Variants in KAT8 observed in about 807,000 individuals in gnomAD.
The protein encoded by KAT8 is histone acetyltransferase KAT8.
Under a neutral mutation model 62.9 loss-of-function variants are expected in KAT8, and 40 were observed. The observed-to-expected ratio is 0.64, with a 90% CI of 0.49 to 0.83. The LOEUF (loss-of-function observed/expected upper bound fraction) is 0.83, where lower values mean the gene tolerates loss of function less well. Among genes scored for constraint, KAT8 ranks in the 40% least tolerant of loss-of-function variants. The pLI, the probability that KAT8 is intolerant of heterozygous loss-of-function variation, is 0.00. For synonymous variants in KAT8, 278 were observed against 254.5 expected, an observed-to-expected ratio of 1.09 and a Z score of -0.88; for missense variants, 387 against 614.8, an observed-to-expected ratio of 0.63 and a Z score of 3.92.
Position 31,117,731 on chromosome 16 carries a change from T to C in KAT8, c.50T>C (p.Val17Ala), listed in dbSNP as rs777573795. The C allele has an allele frequency of 7.3e-7, 1 of 1,361,736 alleles. No homozygotes were observed. Among genetic ancestry groups the C allele is most frequent in the East Asian group, 3.1e-5 (1 of 32,366 alleles). 84.4% of individuals were successfully genotyped at this position (1,361,736 alleles called of 1,614,324 possible). Residue 17 changes from valine (V) to alanine (A), a missense_variant, in exon 1 of 11, where the codon GTC becomes GCC. This residue lies in a region of KAT8 where 92 missense variants were observed against 78.8 expected (regional missense o/e 1.17). Coordinates refer to ENST00000219797, the MANE Select transcript of KAT8 (RefSeq NM_032188.3). ...AAAVAAGTSGVAGEGEPGPGE... is the reference protein window; with the variant it reads ...AAAVAAGTSGAAGEGEPGPGE... ...GCGGTTGCGGCGGGGACTTCAGGGG[T>C]CGCGGGGGAGGGCGAGCCCGGGCCC...
chr16:31,127,156 G>A (rs781192058), intron 4 of KAT8, 33 bp from the exon 5 acceptor site: 112 of 1,609,426 alleles, frequency 7.0e-5, no homozygotes, highest in African/African-American at 2.1e-4. Flanking sequence ...CTGCTGAGCC[G>A]TGCACTGTGC....
chr16:31,121,610 G>T (rs568717617), intron 3 of KAT8, among the ~76,000 whole-genome samples: 1 of 152,102 alleles, frequency 6.6e-6, no homozygotes, highest in East Asian at 1.9e-4. Context: ...GGGAGTCTTG[G>T]TGTGTTGCTC....
At chr16:31,125,620 A>AAG in intron 3 of KAT8, 1 of 152,790 alleles carries the variant, frequency 6.5e-6, no homozygotes, top group African/African-American at 2.4e-5. Flanking sequence ...AAAAAAAAAA[A>AAG]AAAAAGAAAT....
At chr16:31,118,777 G>T (rs543730575) in intron 1 of KAT8, 2 of 152,128 alleles carry the variant, frequency 1.3e-5, no homozygotes, top group East Asian at 3.9e-4. Context: ...CGTAGTGGTT[G>T]CCTTACTCAT....
Position 31,128,076 on chromosome 16 carries a change from C to A in KAT8, c.708C>A (p.Pro236=). 2 of 1,613,942 alleles carry A rather than the reference C, an allele frequency of 1.2e-6. No individual in the cohort carries two copies. Among genetic ancestry groups the A allele is most frequent in the Non-Finnish European group, 1.7e-6 (2 of 1,179,944 alleles). Residue 236 remains proline (P), a synonymous_variant, in exon 6 of 11, where the codon CCC becomes CCA. Coordinates refer to ENST00000219797, the MANE Select transcript of KAT8 (RefSeq NM_032188.3). ...GTCAGTGCCAGTGGCGGCAGCCCCC[C>A]GGGAAAGAGATCTACCGCAAGAGCA... ...HLGQCQWRQP[P]GKEIYRKSNI...
In KAT8 at chr16:31,130,874, C is replaced by T; in HGVS notation, c.1286C>T (p.Ala429Val). ...PKLVEEHLKS[A>V]QYKKPPITVD... is the part of the protein sequence containing the mutation. Reference sequence around the variant, plus strand: ...CTGGTGGAGGAGCACCTCAAAAGTGCCCAGTATAAGAAACCACCCATCACA... The same window carrying T: ...CTGGTGGAGGAGCACCTCAAAAGTGTCCAGTATAAGAAACCACCCATCACA... Residue 429 changes from alanine (A) to valine (V), a missense_variant, in exon 10 of 11, where the codon GCC becomes GTC. Coordinates refer to ENST00000219797, the MANE Select transcript of KAT8 (RefSeq NM_032188.3). 6.2e-7 allele frequency: 1 copy of T among 1,612,832 alleles called. No homozygotes were observed.
intron 10 of KAT8, 93 bp from the exon 11 acceptor site, chr16:31,131,102 G>T (rs1253027956): frequency 6.4e-7 from 1 of 1,564,252 alleles, no homozygotes; most frequent in Non-Finnish European, 8.7e-7. Flanking sequence ...TCACCTGGAG[G>T]AGGTGAAACT....
At chr16:31,118,172 C>T (rs1555503302) in intron 1 of KAT8, 2 of 358,660 alleles carry the variant, frequency 5.6e-6, no homozygotes, top group Non-Finnish European at 5.0e-6. Flanking sequence ...CAGTCTTAGG[C>T]TTCATTCCTT....
chr16:31,124,577 C>A (rs927012433), intron 3 of KAT8, among the ~76,000 whole-genome samples: 46 of 151,836 alleles, frequency 3.0e-4, no homozygotes, highest in African/African-American at 1.1e-3. Context: ...ACTAAAGATA[C>A]AAAAAATTAG....
At chr16:31,120,705 C>A (rs749200848) in intron 3 of KAT8, 191 bp downstream of exon 3, 4 of 557,566 alleles carry the variant, frequency 7.2e-6, no homozygotes, top group Non-Finnish European at 1.2e-5. Flanking sequence ...GTAAGGGCTT[C>A]GCTGCAGTCT....
intron 9 of KAT8, 33 bp downstream of exon 9, chr16:31,130,639 C>T: frequency 6.2e-7 from 1 of 1,612,410 alleles, no homozygotes; most frequent in Non-Finnish European, 8.5e-7. Context: ...GGGGGCAGGA[C>T]TTGCCCTGAG....
chr16:31,118,213 C>A (rs1391197063), intron 1 of KAT8: 1 of 276,448 alleles, frequency 3.6e-6, no homozygotes, highest in Non-Finnish European at 6.8e-6. Context: ...CTCACCCTCT[C>A]TTGTCTCTGC....
Position 31,130,084 on chromosome 16 carries a change from T to A in KAT8, c.839T>A (p.Val280Glu). ...GACCATAAGACACTGTACTTTGACGTGGAGCCGTTCGTCTTTTACATCCTG... is the reference window on the plus strand; with the variant it reads ...GACCATAAGACACTGTACTTTGACGAGGAGCCGTTCGTCTTTTACATCCTG... Reference protein sequence around the residue: ...FLDHKTLYFDVEPFVFYILTE... With the variant: ...FLDHKTLYFDEEPFVFYILTE... The change falls in exon 7 of 11, where the codon GTG becomes GAG. Residue 280 changes from valine to glutamate, a missense_variant. By Grantham distance (121) the Val-to-Glu change is moderately radical. Transcript: ENST00000219797. The A allele has an allele frequency of 6.2e-7, 1 of 1,609,544 alleles. No individual in the cohort carries two copies. Among genetic ancestry groups the A allele is most frequent in the South Asian group, 1.1e-5 (1 of 90,978 alleles).
intron 3 of KAT8, chr16:31,125,624 AAG>A (rs1473381929): frequency 2.0e-5 from 3 of 152,638 alleles, no homozygotes; most frequent in Admixed American, 6.6e-5. Flanking sequence ...AAAAAAAAAA[AAG>A]AAATAACACT....
At chr16:31,119,634 G>GT (rs1170222907) in intron 1 of KAT8, among the ~76,000 whole-genome samples, 2 of 151,934 alleles carry the variant, frequency 1.3e-5, no homozygotes, top group East Asian at 1.9e-4. Flanking sequence ...GTTTTGTTCT[G>GT]TTTTTTGGGG....
intron 3 of KAT8, among the ~76,000 whole-genome samples, chr16:31,121,416 C>T (rs780122804): frequency 6.6e-6 from 1 of 151,510 alleles, no homozygotes; most frequent in African/African-American, 2.4e-5. Flanking sequence ...CTACTGCGCC[C>T]GGCCTAAGCT....
chr16:31,117,680 C>G lies in KAT8; in HGVS notation c.-2C>G. 2 of 1,390,020 alleles carry G rather than the reference C, an allele frequency of 1.4e-6. No homozygotes were observed. Among genetic ancestry groups the G allele is most frequent in the Non-Finnish European group, 1.9e-6 (2 of 1,066,864 alleles). 86.1% of individuals were successfully genotyped at this position (1,390,020 alleles called of 1,614,324 possible). On this transcript the variant is annotated 5_prime_UTR_variant, in exon 1 of 11. Transcript: ENST00000219797. ...GATTCTGGCGTCACTTCCCTTCCCG[C>G]GATGGCGGCACAGGGAGCTGCTGCG...
chr16:31,118,831 T>G (rs2057471242), intron 1 of KAT8: 1 of 152,112 alleles, frequency 6.6e-6, no homozygotes, highest in South Asian at 2.1e-4. Flanking sequence ...GCTAAAAATT[T>G]TGGAGGCATT....
rs1210161261 is a variant in KAT8, at chr16:31,130,064, T to C, written c.819T>C (p.His273=). 1.9e-6 allele frequency: 3 copies of C among 1,613,780 alleles called. No individual in the cohort carries two copies. In the African/African-American group the frequency reaches 4.0e-5, roughly 22 times the overall value. Residue 273 remains histidine, a synonymous_variant, in exon 7 of 11, where the codon CAT becomes CAC. Transcript: ENST00000219797. ...TGCTGGCCAAGCTTTTCCTGGACCA[T>C]AAGACACTGTACTTTGACGTGGAGC... ...LCLLAKLFLD[H]KTLYFDVEPF...
Sources: allele counts gnomAD v4.1 joint callset (sites outside exome capture counted in the v4.1 genomes callset), GRCh38; gene constraint gnomAD v4.1.1; regional missense constraint gnomAD v4.1.1; transcripts MANE v1.5; gene names NCBI Gene and HGNC (gene_info 2026-07-23, HGNC 2026-07-21).